The following PSG6 variants were observed in gnomAD, a reference collection of about 807,000 sequenced individuals.
PSG6 encodes pregnancy-specific beta-1-glycoprotein 6.
PSG6 carries 51 observed loss-of-function variants against 43.3 expected under a neutral mutation model. That is an observed-to-expected ratio of 1.18 (90% CI 0.94 to 1.49). PSG6 has a LOEUF of 1.49. PSG6 is among the 40% of genes most tolerant of loss of function. The pLI is 0.00. For synonymous variants in PSG6, 292 were observed against 197.6 expected, an observed-to-expected ratio of 1.48 and a Z score of -4.01; for missense variants, 770 against 522.2, an observed-to-expected ratio of 1.47 and a Z score of -4.62.
At chr19:42,908,471 C>G (rs1428015757) in intron 3 of PSG6, among the ~76,000 whole-genome samples, 1 of 151,688 alleles carries the variant, frequency 6.6e-6, no homozygotes, top group African/African-American at 2.4e-5. Flanking sequence ...TTCATGATGA[C>G]TTACTTGAAC....
rs565962775 is a variant in PSG6 at position 42,906,095 on chromosome 19, A to T, written c.1240+827T>A. 1.0e-3 allele frequency among the ~76,000 whole-genome samples: 153 copies of T among 151,720 alleles called. 3 individuals are homozygous for T. Among genetic ancestry groups the T allele is most frequent in the African/African-American group, 3.2e-3 (132 of 41,362 alleles). On this transcript the variant is annotated intron_variant, in intron 5 of 5. Coordinates refer to ENST00000187910, the MANE Select transcript of PSG6 (RefSeq NM_001031850.4). Reference sequence around the variant, plus strand: ...GTGGTCTTGCCCTCTCTATAATTACACACTTTTTGGCACTGCCCCTTTCCT... The same window carrying T: ...GTGGTCTTGCCCTCTCTATAATTACTCACTTTTTGGCACTGCCCCTTTCCT...
chr19:42,906,559 T>C, intron 5 of PSG6: 1 of 1,305,024 alleles, frequency 7.7e-7, no homozygotes, highest in Non-Finnish European at 1.0e-6. Flanking sequence ...GCTCATGGAA[T>C]AGGTACAAGA....
At chr19:42,905,741 C>A (rs1398740605) in intron 5 of PSG6, among the ~76,000 whole-genome samples, 1 of 151,540 alleles carries the variant, frequency 6.6e-6, no homozygotes, top group South Asian at 2.1e-4. Context: ...TCAACCTTAA[C>A]AAGGAAGAAA....
chr19:42,916,355 A>T lies in PSG6; in HGVS notation c.197T>A (p.Ile66Asn). 10 of 1,612,116 alleles carry T rather than the reference A, an allele frequency of 6.2e-6. No homozygotes were observed. The highest frequency in any genetic ancestry group is 8.5e-6 in the Non-Finnish European group (10 of 1,179,144). Residue 66 changes from isoleucine (I) to asparagine (N), a missense_variant, in exon 2 of 6, where the codon ATC becomes AAC. Physicochemically the swap from Ile to Asn is moderately radical, Grantham distance 149. Transcript: ENST00000187910. ...HNLPQNLTGY[I>N]WYKGQMTDLY... is the part of the protein sequence containing the mutation. The stretch of plus-strand genomic sequence containing the variant: ...GTCCGTCATTTGCCCTTTGTACCAG[A>T]TGTAGCCAGTAAGATTCTGGGGCAA...
Position 42,917,735 on chromosome 19 carries a change from G to C in PSG6, c.58C>G (p.Leu20Val). ...CAGGAAGTCCTCTCCTCACCTGTGA[G>C]CAGGAGCCCCTTCCAGGTGATGTGC... Reference protein sequence around the residue: ...TQHITWKGLLLTASLLNFWNL... With the variant: ...TQHITWKGLLVTASLLNFWNL... The change falls in exon 1 of 6, where the codon CTC (leucine) becomes GTC (valine). Residue 20 changes from leucine to valine, a missense_variant. Physicochemically the swap from Leu to Val is conservative, Grantham distance 32 (BLOSUM62 1). Coordinates refer to ENST00000187910, the MANE Select transcript of PSG6 (RefSeq NM_001031850.4). 2.5e-6 allele frequency: 4 copies of C among 1,609,996 alleles called. No individual in the cohort carries two copies. Among genetic ancestry groups the C allele is most frequent in the Non-Finnish European group, 3.4e-6 (4 of 1,177,766 alleles).
chr19:42,902,347 T>C lies in PSG6; in HGVS notation c.*65A>G, dbSNP rs1474341731. The C allele has an allele frequency of 6.4e-7, 1 of 1,574,118 alleles. No individual in the cohort carries two copies. Among genetic ancestry groups the C allele is most frequent in the East Asian group, 2.3e-5 (1 of 44,284 alleles). On this transcript the variant is annotated 3_prime_UTR_variant, in exon 6 of 6. Transcript: ENST00000187910. Reference sequence around the variant, plus strand: ...CCAATAACATTGAGTTTTTTTCTTCTTTGTCTTGAATTTCATGAAGGTATC... The same window carrying C: ...CCAATAACATTGAGTTTTTTTCTTCCTTGTCTTGAATTTCATGAAGGTATC...
intron 1 of PSG6, 66 bp downstream of exon 1, chr19:42,917,662 TC>T: frequency 6.3e-7 from 1 of 1,592,186 alleles, no homozygotes; most frequent in Non-Finnish European, 8.6e-7. Context: ...CCCCATCCTC[TC>T]CAGGATACCC....
At chr19:42,908,353 C>A (rs1207371467) in intron 3 of PSG6, among the ~76,000 whole-genome samples, 2 of 151,736 alleles carry the variant, frequency 1.3e-5, no homozygotes, top group East Asian at 3.9e-4. Flanking sequence ...TGGCCTGGGA[C>A]TGGATGTTTC....
rs138978416 is a variant in PSG6, at chr19:42,917,741, G to A, written c.52C>T (p.Leu18Phe). ...PCTQHITWKG[L>F]LLTASLLNFW... is the part of the protein sequence containing the mutation. The stretch of plus-strand genomic sequence containing the variant: ...GTCCTCTCCTCACCTGTGAGCAGGA[G>A]CCCCTTCCAGGTGATGTGCTGAGTG... The change falls in exon 1 of 6, where the codon CTC becomes TTC. Residue 18 changes from leucine (L) to phenylalanine (F), a missense_variant. Transcript: ENST00000187910. 19 of 1,609,014 alleles carry A rather than the reference G, an allele frequency of 1.2e-5. No homozygotes were observed. In the Middle Eastern group the frequency reaches 5.0e-4, roughly 42 times the overall value.
intron 5 of PSG6, among the ~76,000 whole-genome samples, chr19:42,905,490 T>C (rs1055413537): frequency 2.0e-5 from 3 of 151,720 alleles, no homozygotes; most frequent in East Asian, 3.9e-4. Flanking sequence ...GGAAATGTTA[T>C]AGCCAATGTA....
intron 2 of PSG6, 138 bp from the exon 3 acceptor site, chr19:42,910,996 A>C (rs572165680): frequency 6.8e-7 from 1 of 1,477,596 alleles, no homozygotes; most frequent in African/African-American, 1.4e-5. Flanking sequence ...TGTGTGTTAC[A>C]AGACAGATGC....
At position 42,906,932 on chromosome 19, in the gene PSG6, G is replaced by A. The variant is rs368216582; in HGVS notation, c.1230C>T (p.Val410=). Residue 410 remains valine, a synonymous_variant, in exon 5 of 6, where the codon GTC becomes GTT. Transcript: ENST00000187910. ...CTGGGATCCACTTACCAGAGACTTTGACTATCATGGATTTGGAGATTTCCT... is the reference window on the plus strand; with the variant it reads ...CTGGGATCCACTTACCAGAGACTTTAACTATCATGGATTTGGAGATTTCCT... ...TGKEISKSMI[V]KVSGPCHGNQ... 6 of 1,612,246 alleles carry A rather than the reference G, an allele frequency of 3.7e-6. No individual in the cohort carries two copies. In the South Asian group the frequency reaches 4.4e-5, roughly 12 times the overall value.
rs7251258 is a variant in PSG6 at position 42,911,291 on chromosome 19, A to G, written c.428-433T>C. ...CAGCTTCCCTTGCCAAGGACATCCTAGAGATGGATGATGGAACTTCCCATT... is the reference window on the plus strand; with the variant it reads ...CAGCTTCCCTTGCCAAGGACATCCTGGAGATGGATGATGGAACTTCCCATT... On this transcript the variant is annotated intron_variant, in intron 2 of 5. Coordinates refer to ENST00000187910, the MANE Select transcript of PSG6 (RefSeq NM_001031850.4). Among the ~76,000 whole-genome samples the G allele has an allele frequency of 2.0e-3, 303 of 151,652 alleles. 10 individuals carry two copies. The highest frequency in any genetic ancestry group is 6.9e-3 in the African/African-American group (287 of 41,386).
intron 2 of PSG6, among the ~76,000 whole-genome samples, chr19:42,912,378 C>G (rs1264499275): frequency 6.6e-6 from 1 of 151,652 alleles, no homozygotes; most frequent in Non-Finnish European, 1.5e-5. Flanking sequence ...CATCTAAGAT[C>G]AATTGCTGGT....
At position 42,909,524 on chromosome 19, in the gene PSG6, A is replaced by G. The variant is rs1455621526; in HGVS notation, c.706+1056T>C. ...TGGGTAGTATTGCCTTTCTAACAAT[A>G]TTGCTTCTTCCAATCCATGAAAATG... On this transcript the variant is annotated intron_variant, in intron 3 of 5. Coordinates refer to ENST00000187910, the MANE Select transcript of PSG6 (RefSeq NM_001031850.4). Among the ~76,000 whole-genome samples the G allele has an allele frequency of 1.3e-5, 2 of 151,496 alleles. 1 individual carries two copies. The highest frequency in any genetic ancestry group is 2.9e-5 in the Non-Finnish European group (2 of 67,870).
Position 42,912,718 on chromosome 19 carries a change from A to T in PSG6, c.428-1860T>A, listed in dbSNP as rs1024672549. Reference sequence around the variant, plus strand: ...TTTTCTCTTAAGGTCAGGAAACACCACTAAAATTTAAGTTTGTGTGAATTA... The same window carrying T: ...TTTTCTCTTAAGGTCAGGAAACACCTCTAAAATTTAAGTTTGTGTGAATTA... On this transcript the variant is annotated intron_variant, in intron 2 of 5. Transcript: ENST00000187910. Among the ~76,000 whole-genome samples the T allele has an allele frequency of 6.6e-5, 10 of 151,828 alleles. 1 individual carries two copies. Among genetic ancestry groups the T allele is most frequent in the Admixed American group, 2.0e-4 (3 of 15,220 alleles).
In PSG6 at chr19:42,910,797, A is replaced by C; in HGVS notation, c.489T>G (p.Ala163=). 2.5e-6 allele frequency: 4 copies of C among 1,612,304 alleles called. No individual in the cohort carries two copies. Among genetic ancestry groups the C allele is most frequent in the Non-Finnish European group, 3.4e-6 (4 of 1,179,220 alleles). ...TCTCAGGATCACAGATTAAGCGCACAGCCTCCATGACCTCCCTGGGGTTTA... is the reference window on the plus strand; with the variant it reads ...TCTCAGGATCACAGATTAAGCGCACCGCCTCCATGACCTCCCTGGGGTTTA... The part of the protein sequence containing the change: ...SNLNPREVME[A]VRLICDPETP... Residue 163 remains alanine, a synonymous_variant, in exon 3 of 6, where the codon GCT becomes GCG. Transcript: ENST00000187910.
rs980666817 is a variant in PSG6, at chr19:42,906,763, T to C, written c.1240+159A>G. 5.7e-6 allele frequency: 9 copies of C among 1,576,064 alleles called. No individual in the cohort carries two copies. The Admixed American group carries it at 1.2e-4, about 21-fold the overall frequency. On this transcript the variant is annotated intron_variant, in intron 5 of 5. Coordinates refer to ENST00000187910, the MANE Select transcript of PSG6 (RefSeq NM_001031850.4). ...AAACAGAAAAACAAGCAGAAGAGAGTCTGTAGAGATAAGTTGGGAGGGTTC... is the reference window on the plus strand; with the variant it reads ...AAACAGAAAAACAAGCAGAAGAGAGCCTGTAGAGATAAGTTGGGAGGGTTC...
At chr19:42,906,767 T>C (rs1757560646) in intron 5 of PSG6, 155 bp downstream of exon 5, 9 of 1,582,830 alleles carry the variant, frequency 5.7e-6, no homozygotes, top group Non-Finnish European at 7.8e-6. Context: ...AGAGAGTCTG[T>C]AGAGATAAGT....
Sources: allele counts gnomAD v4.1 joint callset (sites outside exome capture counted in the v4.1 genomes callset), GRCh38; gene constraint gnomAD v4.1.1; transcripts MANE v1.5; gene names NCBI Gene and HGNC (gene_info 2026-07-23, HGNC 2026-07-21).